SUPT3H: variants seen among roughly 807,000 people sequenced by gnomAD.
SUPT3H encodes the protein SPT3 homolog, SAGA and STAGA complex component.
In SUPT3H, 44 loss-of-function variants were observed where a neutral mutation model predicts 44.3. The observed-to-expected ratio is 0.99, with a 90% confidence interval of 0.78 to 1.28. SUPT3H has a LOEUF of 1.28. Ranked by LOEUF, SUPT3H falls within the 50% of genes most tolerant of loss-of-function variation. The pLI is 0.00. For synonymous variants in SUPT3H, 124 were observed against 125.6 expected (o/e 0.99, Z 0.09); for missense variants, 380 against 387.1 (o/e 0.98, Z 0.15).
intron 2 of SUPT3H, among the ~76,000 whole-genome samples, chr6:45,195,857 C>A (rs1021373960): frequency 1.3e-5 from 2 of 152,078 alleles, no homozygotes; most frequent in African/African-American, 4.8e-5. Context: ...TTGAATCTCA[C>A]TGAGGTCGGT....
At chr6:45,170,398 G>A (rs1357315827) in intron 2 of SUPT3H, among the ~76,000 whole-genome samples, 1 of 152,092 alleles carries the variant, frequency 6.6e-6, no homozygotes, top group Non-Finnish European at 1.5e-5. Context: ...TACAAATAAA[G>A]AGCATATCCC....
intron 7 of SUPT3H, among the ~76,000 whole-genome samples, chr6:44,960,871 A>C (rs964731291): frequency 4.6e-5 from 7 of 152,198 alleles, no homozygotes; most frequent in African/African-American, 1.7e-4. Context: ...ATGGGATACT[A>C]TGCAATGTGT....
Position 45,042,565 on chromosome 6 carries a change from T to A in SUPT3H, c.187-21933A>T, listed in dbSNP as rs568195175. On this transcript the variant is annotated intron_variant, in intron 3 of 10. Coordinates refer to ENST00000371459, the MANE Select transcript of SUPT3H (RefSeq NM_003599.4). ...AGGGAAAATTAGTTGTTGTTTTTTT[T>A]AATTATACTTTAAGTTTTAGGGTAC... is the stretch of plus-strand genomic sequence containing the variant. 8.9e-4 allele frequency among the ~76,000 whole-genome samples: 135 copies of A among 152,320 alleles called. 1 individual carries two copies. The highest frequency in any genetic ancestry group is 3.0e-3 in the African/African-American group (126 of 41,584).
At chr6:45,062,979 T>C (rs1384608734) in intron 3 of SUPT3H, among the ~76,000 whole-genome samples, 6 of 151,722 alleles carry the variant, frequency 4.0e-5, no homozygotes, top group Non-Finnish European at 7.4e-5. Context: ...GAGACCTGCC[T>C]GCCTCTGTAG....
chr6:45,328,154 TGAGAGAAAGAGAGA>T (rs1786690834), intron 2 of SUPT3H: 2 of 671,784 alleles, frequency 3.0e-6, no homozygotes, highest in African/African-American at 3.8e-5. Context: ...AAGCCTTTTG[TGAGAGAAAGAGAGA>T]GAGAGAAAGA....
intron 1 of SUPT3H, among the ~76,000 whole-genome samples, chr6:45,366,325 T>C (rs971766744): frequency 2.6e-5 from 4 of 152,164 alleles, no homozygotes; most frequent in Non-Finnish European, 4.4e-5. Context: ...TGCTAAGACT[T>C]TGGGCAAGTT....
At chr6:45,294,448 C>T (rs1467112046) in intron 2 of SUPT3H, among the ~76,000 whole-genome samples, 1 of 152,120 alleles carries the variant, frequency 6.6e-6, no homozygotes, top group Non-Finnish European at 1.5e-5. Flanking sequence ...TTCACTACTC[C>T]CCTTCAGCAC....
intron 2 of SUPT3H, among the ~76,000 whole-genome samples, chr6:45,181,538 A>G (rs1813185965): frequency 6.6e-6 from 1 of 151,924 alleles, no homozygotes. Flanking sequence ...ATGCAGCCAT[A>G]AAAAATGATG....
chr6:45,020,502 A>T, intron 4 of SUPT3H, 44 bp downstream of exon 4: 1 of 1,486,446 alleles, frequency 6.7e-7, no homozygotes, highest in Non-Finnish European at 9.3e-7. Context: ...AAGTTCAATT[A>T]AACAAAACGT....
intron 2 of SUPT3H, among the ~76,000 whole-genome samples, chr6:45,326,812 G>T (rs1012266481): frequency 2.0e-5 from 3 of 151,816 alleles, no homozygotes; most frequent in African/African-American, 7.2e-5. Context: ...TGTCTCCCTA[G>T]CCCTTACCTC....
chr6:45,348,512 CA>C (rs754208599), intron 2 of SUPT3H, among the ~76,000 whole-genome samples: 66 of 110,246 alleles, frequency 6.0e-4, no homozygotes, highest in Admixed American at 9.1e-4. Context: ...ACTAAAAATA[CA>C]AAAAAAAAAA....
At chr6:45,184,210 C>T (rs1191908808) in intron 2 of SUPT3H, among the ~76,000 whole-genome samples, 1 of 152,130 alleles carries the variant, frequency 6.6e-6, no homozygotes, top group Non-Finnish European at 1.5e-5. Flanking sequence ...GTTTTAGAAA[C>T]AGTGTGATGA....
intron 10 of SUPT3H, among the ~76,000 whole-genome samples, chr6:44,887,569 A>C (rs1432178323): frequency 6.6e-6 from 1 of 152,096 alleles, no homozygotes; most frequent in Non-Finnish European, 1.5e-5. Context: ...TTTGAAACCA[A>C]CAAGAACAAA....
In SUPT3H at chr6:44,827,897, A is replaced by G. The variant is rs1767940731; in HGVS notation, c.*1919T>C. On this transcript the variant is annotated 3_prime_UTR_variant, in exon 11 of 11. Coordinates refer to ENST00000371459, the MANE Select transcript of SUPT3H (RefSeq NM_003599.4). ...CAGATTTTATAAATAATTACCTGTC[A>G]GACTGTTCAAGATAGACAAACATAT... Among the ~76,000 whole-genome samples the G allele has an allele frequency of 2.0e-5, 3 of 152,150 alleles. No individual in the cohort carries two copies. In the South Asian group the frequency reaches 6.2e-4, roughly 31 times the overall value.
intron 10 of SUPT3H, among the ~76,000 whole-genome samples, chr6:44,907,241 C>G (rs567204692): frequency 6.6e-6 from 1 of 152,160 alleles, no homozygotes; most frequent in Non-Finnish European, 1.5e-5. Context: ...TTTTTCACCT[C>G]CTTTACGGGG....
chr6:45,026,985 C>CTTTTTTTTTTT (rs34588777), intron 3 of SUPT3H, among the ~76,000 whole-genome samples: 1 of 87,510 alleles, frequency 1.1e-5, no homozygotes, highest in Non-Finnish European at 2.1e-5. Flanking sequence ...GCTTTGGATC[C>CTTTTTTTTTTT]TTTTTTTTTT....
intron 10 of SUPT3H, among the ~76,000 whole-genome samples, chr6:44,916,362 T>C (rs148309645): frequency 4.1e-4 from 62 of 152,322 alleles, no homozygotes; most frequent in African/African-American, 1.4e-3. Context: ...CTGTAGATCC[T>C]CATCTTTTTA....
intron 7 of SUPT3H, chr6:44,955,606 C>CCTAA (rs768706673): frequency 1.1e-4 from 16 of 152,374 alleles, no homozygotes; most frequent in Admixed American, 2.6e-4. Flanking sequence ...CTCAGACATG[C>CCTAA]CTAACCCTGC....
intron 2 of SUPT3H, among the ~76,000 whole-genome samples, chr6:45,284,898 T>C (rs896977571): frequency 9.9e-5 from 15 of 152,238 alleles, no homozygotes; most frequent in East Asian, 1.9e-4. Flanking sequence ...TCCACCATGA[T>C]CAAGTGGGCT....
Sources: gnomAD v4.1 joint callset for allele counts (sites outside exome capture counted in the v4.1 genomes callset) on GRCh38, gnomAD v4.1.1 for gene constraint, MANE v1.5 for transcripts, NCBI Gene and HGNC (gene_info 2026-07-23, HGNC 2026-07-21) for gene names.